The following SLC44A1 variants were observed in gnomAD, a reference collection of about 807,000 sequenced individuals.
The protein encoded by SLC44A1 is solute carrier family 44 member 1.
A neutral mutation model predicts 79.3 loss-of-function variants in SLC44A1; 26 were observed. The ratio of observed to expected loss-of-function variants is 0.33; its 90% CI spans 0.24 to 0.46. SLC44A1 has a LOEUF of 0.46. Ranked by LOEUF, SLC44A1 falls within the 20% of genes least tolerant of loss-of-function variation. SLC44A1 has a pLI of 1.00. For missense variants in SLC44A1, 688 were observed against 798.1 expected (o/e 0.86, Z 1.66); for synonymous variants, 263 against 286.2 (o/e 0.92, Z 0.82).
intron 15 of SLC44A1, among the ~76,000 whole-genome samples, chr9:105,436,112 C>T (rs774696672): frequency 3.9e-5 from 6 of 152,180 alleles, no homozygotes; most frequent in Non-Finnish European, 5.9e-5. Flanking sequence ...GCAGAAGAAT[C>T]GCTGGAACCC....
At chr9:105,342,210 T>G (rs937169748) in intron 4 of SLC44A1, among the ~76,000 whole-genome samples, 13 of 152,138 alleles carry the variant, frequency 8.5e-5, no homozygotes, top group Non-Finnish European at 1.8e-4. Flanking sequence ...TAATGGAAAA[T>G]TCCAAAAATA....
chr9:105,270,697 T>G (rs1588717319), intron 1 of SLC44A1, among the ~76,000 whole-genome samples: 1 of 152,010 alleles, frequency 6.6e-6, no homozygotes, highest in African/African-American at 2.4e-5. Flanking sequence ...CTTGGCTGTA[T>G]TTTTTTAAAA....
chr9:105,373,059 G>C (rs754277353), intron 12 of SLC44A1, among the ~76,000 whole-genome samples: 2 of 152,062 alleles, frequency 1.3e-5, no homozygotes, highest in Non-Finnish European at 2.9e-5. Context: ...ATAATGGCAA[G>C]TTAAATTTTT....
chr9:105,418,091 G>A lies in SLC44A1; in HGVS notation c.1951-20190G>A, dbSNP rs201091780. 5.5e-4 allele frequency among the ~76,000 whole-genome samples: 84 copies of A among 151,934 alleles called. 2 individuals carry two copies. In the East Asian group the frequency reaches 0.012, roughly 22 times the overall value. On this transcript the variant is annotated intron_variant, in intron 15 of 15. Transcript: ENST00000374724. ...AGTACTCTGGGAGGCCGAGGCGGGCGGATCACCTGAGGTCAGGAGTTCAAG... is the reference window on the plus strand; with the variant it reads ...AGTACTCTGGGAGGCCGAGGCGGGCAGATCACCTGAGGTCAGGAGTTCAAG...
chr9:105,414,397 G>A (rs1015594411), intron 15 of SLC44A1, among the ~76,000 whole-genome samples: 3 of 152,164 alleles, frequency 2.0e-5, no homozygotes, highest in African/African-American at 7.2e-5. Flanking sequence ...TTGGATCGAT[G>A]ATTTTCATTA....
At position 105,380,671 on chromosome 9, in the gene SLC44A1, A is replaced by C. The variant is rs372030611; in HGVS notation, c.1633-2452A>C. 2.0e-3 allele frequency among the ~76,000 whole-genome samples: 311 copies of C among 152,326 alleles called. 1 individual carries two copies. The highest frequency in any genetic ancestry group is 7.3e-3 in the African/African-American group (303 of 41,576). On this transcript the variant is annotated intron_variant, in intron 13 of 15. Transcript: ENST00000374720. ...GACATTTTAAATGTATGAGAAATAT[A>C]ATAGAAGTCCCAGGTGATCCTGTTA... is the stretch of plus-strand genomic sequence containing the variant.
Position 105,426,641 on chromosome 9 carries a change from G to C in SLC44A1, c.1951-11640G>C, listed in dbSNP as rs576250217. On this transcript the variant is annotated intron_variant, in intron 15 of 15. Transcript: ENST00000374724. ...TTTATAGACAAGAAAACAGAGACTA[G>C]GGAAGATTGGTAATTTGCCCAAATA... Among the ~76,000 whole-genome samples the C allele has an allele frequency of 3.3e-5, 5 of 152,270 alleles. No individual in the cohort carries two copies. In the South Asian group the frequency reaches 1.0e-3, roughly 32 times the overall value.
chr9:105,379,330 G>T (rs939545476), intron 13 of SLC44A1, among the ~76,000 whole-genome samples: 2 of 152,178 alleles, frequency 1.3e-5, no homozygotes, highest in Non-Finnish European at 2.9e-5. Context: ...TGTGGTTAGA[G>T]ATCGGGTTGA....
rs986373370 is a variant in SLC44A1, at chr9:105,350,204, T to A, written c.500+1753T>A. On this transcript the variant is annotated intron_variant, in intron 5 of 15. Transcript: ENST00000374720. ...TTACTTATTTTAGTGCATCACAGTC[T>A]AAGTATGTTATCACTTTTGTCTGAA... 1.4e-4 allele frequency among the ~76,000 whole-genome samples: 22 copies of A among 152,228 alleles called. 1 individual carries two copies. In the South Asian group the frequency reaches 3.9e-3, roughly 27 times the overall value.
At chr9:105,353,892 G>C (rs1015676889) in intron 5 of SLC44A1, among the ~76,000 whole-genome samples, 17 of 151,936 alleles carry the variant, frequency 1.1e-4, no homozygotes, top group African/African-American at 4.1e-4. Flanking sequence ...TAAAAATATG[G>C]TTAGAAGAGT....
At chr9:105,385,891 T>A (rs1828614563) in intron 15 of SLC44A1, 14 of 985,296 alleles carry the variant, frequency 1.4e-5, no homozygotes, top group Middle Eastern at 5.2e-4. Context: ...TTTTGGAAGG[T>A]GATCATAGCA....
chr9:105,392,883 G>A lies in SLC44A1; in HGVS notation c.*3827G>A. On this transcript the variant is annotated 3_prime_UTR_variant, in exon 16 of 16. Coordinates refer to ENST00000374720, the MANE Select transcript of SLC44A1 (RefSeq NM_080546.5). Reference sequence around the variant, plus strand: ...ATAGCCTTAACATGGCCTCTGAGAAGTTTCCTCCAGAAAGGTCTTTAAGCT... The same window carrying A: ...ATAGCCTTAACATGGCCTCTGAGAAATTTCCTCCAGAAAGGTCTTTAAGCT... 1.4e-5 allele frequency: 14 copies of A among 985,228 alleles called. No individual in the cohort carries two copies. The highest frequency in any genetic ancestry group is 1.6e-5 in the Non-Finnish European group (13 of 829,834). The allele number at this position is 985,228 out of a possible 1,614,324, so 61.0% of individuals were successfully genotyped here.
intron 15 of SLC44A1, 123 bp downstream of exon 15, chr9:105,385,625 G>T: frequency 6.8e-7 from 1 of 1,462,912 alleles, no homozygotes. Context: ...CGCAGGACAT[G>T]CTGCTCTTTC....
chr9:105,403,164 A>C (rs903464220), intron 15 of SLC44A1, among the ~76,000 whole-genome samples: 7 of 152,038 alleles, frequency 4.6e-5, no homozygotes, highest in Non-Finnish European at 8.8e-5. Context: ...AGACATAAAC[A>C]GGAAGAAACA....
At chr9:105,326,014 T>G (rs1424344972) in intron 3 of SLC44A1, among the ~76,000 whole-genome samples, 1 of 152,190 alleles carries the variant, frequency 6.6e-6, no homozygotes, top group Non-Finnish European at 1.5e-5. Context: ...AACAAGTTGA[T>G]TTAGGAGTGT....
At chr9:105,434,066 G>A (rs556748350) in intron 15 of SLC44A1, among the ~76,000 whole-genome samples, 16 of 152,280 alleles carry the variant, frequency 1.1e-4, no homozygotes, top group Middle Eastern at 3.4e-3. Flanking sequence ...TAGGCTGGTC[G>A]GTGGCTCATG....
exon 16 of SLC44A1, chr9:105,438,395 A>G: frequency 1.1e-6 from 1 of 931,464 alleles, no homozygotes; most frequent in South Asian, 1.5e-5. Flanking sequence ...GAAGAGCAGG[A>G]TCTTATTACT....
rs1303531033 is a variant in SLC44A1 at position 105,376,334 on chromosome 9, CACACACACACACACACT to C, written c.1632+1612_1632+1628del. Among the ~76,000 whole-genome samples, 433 of 137,024 alleles carry C rather than the reference CACACACACACACACACT, an allele frequency of 3.2e-3. 1 individual carries two copies. The highest frequency in any genetic ancestry group is 4.2e-3 in the African/African-American group (143 of 34,112). The allele number at this position is 137,024 out of a possible 152,430, so 89.9% of individuals were successfully genotyped here. ...ATGTATACACACACACACACACACA[CACACACACACACACACT>C]ACACACACACACTACACACACTGCT... On this transcript the variant is annotated intron_variant, in intron 13 of 15. Transcript: ENST00000374720.
chr9:105,246,415 T>C (rs1229356506), intron 1 of SLC44A1, among the ~76,000 whole-genome samples: 3 of 151,956 alleles, frequency 2.0e-5, no homozygotes, highest in Non-Finnish European at 4.4e-5. Context: ...CGTTAGCTTT[T>C]TTTTTTCCTG....
Sources: gnomAD v4.1 joint callset for allele counts (sites outside exome capture counted in the v4.1 genomes callset) on GRCh38, gnomAD v4.1.1 for gene constraint, MANE v1.5 for transcripts, NCBI Gene and HGNC (gene_info 2026-07-23, HGNC 2026-07-21) for gene names.